The following PLCXD3 variants were observed in gnomAD, a reference collection of about 807,000 sequenced individuals.
The protein encoded by PLCXD3 is phosphatidylinositol specific phospholipase C X domain containing 3.
Under a neutral mutation model 25.5 loss-of-function variants are expected in PLCXD3, and 19 were observed. That is an observed-to-expected ratio of 0.75 (90% CI 0.52 to 1.09). The LOEUF is 1.09. Among genes scored for constraint, PLCXD3 ranks in the 50% least tolerant of loss-of-function variants. The pLI, the probability that PLCXD3 is intolerant of heterozygous loss-of-function variation, is 0.00. For missense variants in PLCXD3, 411 were observed against 388.1 expected (o/e 1.06, Z -0.50); for synonymous variants, 174 against 137.6 (o/e 1.26, Z -1.85).
chr5:41,373,683 CTCT>C (rs150957264), intron 2 of PLCXD3, among the ~76,000 whole-genome samples: 123 of 151,942 alleles, frequency 8.1e-4, no homozygotes, highest in East Asian at 3.9e-3. Flanking sequence ...CCCCCTTTTC[CTCT>C]TCTTCTTCTT....
intron 1 of PLCXD3, among the ~76,000 whole-genome samples, chr5:41,404,600 C>T (rs1746296401): frequency 6.6e-6 from 1 of 151,988 alleles, no homozygotes; most frequent in Admixed American, 6.6e-5. Flanking sequence ...TCCTTTATTG[C>T]TTTGAGCAGT....
In PLCXD3 at chr5:41,343,983, G is replaced by A. The variant is rs73750133; in HGVS notation, c.813-30213C>T. ...CAACTGTATTGCTTTTTTTTCTTAC[G>A]TTCTTGTATTTGCTCTAACTTTTAA... On this transcript the variant is annotated intron_variant, in intron 2 of 2. Transcript: ENST00000377801. Among the ~76,000 whole-genome samples, 403 of 151,634 alleles carry A rather than the reference G, an allele frequency of 2.7e-3. 2 individuals are homozygous for A. Among genetic ancestry groups the A allele is most frequent in the Middle Eastern group, 0.01 (3 of 292 alleles).
chr5:41,491,567 C>T (rs1413289528), intron 1 of PLCXD3, among the ~76,000 whole-genome samples: 1 of 152,104 alleles, frequency 6.6e-6, no homozygotes, highest in Admixed American at 6.5e-5. Flanking sequence ...GTGTGGGAGT[C>T]TAAGTCTCTT....
At chr5:41,335,938 T>A (rs1743966044) in intron 2 of PLCXD3, among the ~76,000 whole-genome samples, 1 of 152,154 alleles carries the variant, frequency 6.6e-6, no homozygotes, top group African/African-American at 2.4e-5. Flanking sequence ...ATTCCAATTC[T>A]AAAGGAAATG....
At position 41,347,195 on chromosome 5, in the gene PLCXD3, A is replaced by G. The variant is rs552073530; in HGVS notation, c.813-33425T>C. On this transcript the variant is annotated intron_variant, in intron 2 of 2. Transcript: ENST00000377801. ...ATTGTCAGTGTTTTGGATTTTAGCC[A>G]TTCAAAGTCGTGGTATCTTGTTTTA... is the stretch of plus-strand genomic sequence containing the variant. Among the ~76,000 whole-genome samples, 24 of 152,310 alleles carry G rather than the reference A, an allele frequency of 1.6e-4. No individual in the cohort carries two copies. In the South Asian group the frequency reaches 3.5e-3, roughly 22 times the overall value.
At chr5:41,485,080 T>C (rs1256306746) in intron 1 of PLCXD3, among the ~76,000 whole-genome samples, 1 of 152,200 alleles carries the variant, frequency 6.6e-6, no homozygotes, top group Non-Finnish European at 1.5e-5. Flanking sequence ...ATTGAGAACT[T>C]AGTAGGTGTT....
At chr5:41,335,322 T>G (rs1743948105) in intron 2 of PLCXD3, among the ~76,000 whole-genome samples, 1 of 152,202 alleles carries the variant, frequency 6.6e-6, no homozygotes. Context: ...GGTTTATCCT[T>G]TGGCTCTCAG....
At chr5:41,352,310 A>G (rs1222283464) in intron 2 of PLCXD3, among the ~76,000 whole-genome samples, 1 of 152,104 alleles carries the variant, frequency 6.6e-6, no homozygotes, top group Non-Finnish European at 1.5e-5. Context: ...CGACTTGCAT[A>G]TAGTATTCTT....
intron 2 of PLCXD3, among the ~76,000 whole-genome samples, chr5:41,376,707 C>T (rs562996540): frequency 4.1e-4 from 63 of 152,236 alleles, no homozygotes; most frequent in Non-Finnish European, 7.8e-4. Context: ...TTACCATAGA[C>T]CTTGATCTTT....
At chr5:41,342,474 G>A (rs1236194263) in intron 2 of PLCXD3, among the ~76,000 whole-genome samples, 2 of 152,142 alleles carry the variant, frequency 1.3e-5, no homozygotes, top group Non-Finnish European at 2.9e-5. Flanking sequence ...GAGAAAGTGT[G>A]GGCCTCAAAG....
chr5:41,420,926 C>G (rs1232197282), intron 1 of PLCXD3, among the ~76,000 whole-genome samples: 2 of 152,104 alleles, frequency 1.3e-5, no homozygotes, highest in African/African-American at 4.8e-5. Flanking sequence ...TAATAAAATG[C>G]TACTATTTAT....
intron 2 of PLCXD3, among the ~76,000 whole-genome samples, chr5:41,324,540 C>T (rs1743567257): frequency 6.6e-6 from 1 of 152,044 alleles, no homozygotes; most frequent in African/African-American, 2.4e-5. Context: ...ACATTTGGTC[C>T]CCACAGCAAT....
intron 1 of PLCXD3, among the ~76,000 whole-genome samples, chr5:41,444,124 C>T (rs1278382032): frequency 6.6e-6 from 1 of 152,032 alleles, no homozygotes; most frequent in African/African-American, 2.4e-5. Context: ...TAGGGGTGAG[C>T]AGTGGTGACA....
chr5:41,508,342 A>C (rs936784286), intron 1 of PLCXD3, among the ~76,000 whole-genome samples: 2 of 152,214 alleles, frequency 1.3e-5, no homozygotes, highest in Non-Finnish European at 1.5e-5. Flanking sequence ...GGTTAGTCAC[A>C]GTTGCTGCTG....
chr5:41,323,274 A>G (rs4957390), intron 2 of PLCXD3, among the ~76,000 whole-genome samples: 1 of 152,132 alleles, frequency 6.6e-6, no homozygotes, highest in African/African-American at 2.4e-5. Flanking sequence ...TATAAAAAAA[A>G]GTTAGAAAGA....
In PLCXD3 at chr5:41,382,365, T is replaced by C. The variant is rs1381685863; in HGVS notation, c.273A>G (p.Gly91=). ...AAATTCGAAGATCAAAATAACGAAT[T>C]CCAGCTCCTAGCTGGCCAGTAAAAT... ...TMNFTGQLGA[G]IRYFDLRIST... Residue 91 remains glycine, a synonymous_variant, in exon 2 of 3, where the codon GGA becomes GGG. Transcript: ENST00000377801. The C allele has an allele frequency of 2.5e-6, 4 of 1,613,500 alleles. No homozygotes were observed. The highest frequency in any genetic ancestry group is 3.4e-6 in the Non-Finnish European group (4 of 1,179,696).
At chr5:41,424,766 T>C (rs1394948517) in intron 1 of PLCXD3, among the ~76,000 whole-genome samples, 1 of 152,222 alleles carries the variant, frequency 6.6e-6, no homozygotes, top group Non-Finnish European at 1.5e-5. Context: ...TTTGTTGAGA[T>C]TTGCTATGTG....
chr5:41,389,119 A>G (rs980901642), intron 1 of PLCXD3, among the ~76,000 whole-genome samples: 2 of 152,042 alleles, frequency 1.3e-5, no homozygotes, highest in African/African-American at 4.8e-5. Flanking sequence ...TGGAGGAACT[A>G]AGTAAAAATG....
chr5:41,438,881 G>A (rs557176373), intron 1 of PLCXD3, among the ~76,000 whole-genome samples: 24 of 151,400 alleles, frequency 1.6e-4, no homozygotes, highest in Admixed American at 5.9e-4. Context: ...ACAGCCAAAC[G>A]TTTCTCTCTG....
Sources: allele counts gnomAD v4.1 joint callset (sites outside exome capture counted in the v4.1 genomes callset), GRCh38; gene constraint gnomAD v4.1.1; transcripts MANE v1.5; gene names NCBI Gene and HGNC (gene_info 2026-07-23, HGNC 2026-07-21).